The following PRDM2 variants were observed in gnomAD, a reference collection of about 807,000 sequenced individuals.
PRDM2 encodes PR/SET domain 2, also known as PR domain zinc finger protein 2.
In PRDM2, 30 loss-of-function variants were observed where a neutral mutation model predicts 130.0. The ratio of observed to expected loss-of-function variants is 0.23; its 90% CI spans 0.17 to 0.31. The LOEUF (loss-of-function observed/expected upper bound fraction) is 0.31. Among genes scored for constraint, PRDM2 ranks in the 10% least tolerant of loss-of-function variants. The pLI is 1.00. For synonymous variants in PRDM2, 871 were observed against 782.4 expected, an observed-to-expected ratio of 1.11 and a Z score of -1.89; for missense variants, 2,011 against 2,108.4, an observed-to-expected ratio of 0.95 and a Z score of 0.90.
chr1:13,782,913 CTTTT>C (rs35153743), intron 8 of PRDM2, 82 bp downstream of exon 8: 245 of 1,446,780 alleles, frequency 1.7e-4, no homozygotes, highest in Admixed American at 4.8e-4. Flanking sequence ...TTTCTTGTTG[CTTTT>C]TTTTTTTTTT....
chr1:13,746,798 TC>T (rs1247360575), intron 5 of PRDM2, among the ~76,000 whole-genome samples: 1 of 152,184 alleles, frequency 6.6e-6, no homozygotes, highest in Non-Finnish European at 1.5e-5. Flanking sequence ...CTCAAGCGAT[TC>T]GCCTGCCTTG....
At position 13,780,254 on chromosome 1, in the gene PRDM2, A is replaced by G. The variant is rs1444706217; in HGVS notation, c.2459A>G (p.Asn820Ser). The G allele has an allele frequency of 3.1e-6, 5 of 1,613,728 alleles. No homozygotes were observed. The Admixed American group carries it at 5.0e-5, about 16-fold the overall frequency. Residue 820 changes from asparagine (N) to serine (S), a missense_variant, in exon 8 of 10, where the codon AAC becomes AGC. Coordinates refer to ENST00000311066, the MANE Select transcript of PRDM2 (RefSeq NM_001393986.1). ...AGTTCTGCTTTTAGCAGTGTGTGCA[A>G]CCAGCAGCCACTGGATTTATCCAGC... ...TASSAFSSVC[N>S]QQPLDLSSGV...
At chr1:13,738,184 C>T (rs1643328205) in intron 4 of PRDM2, among the ~76,000 whole-genome samples, 1 of 152,056 alleles carries the variant, frequency 6.6e-6, no homozygotes. Context: ...GGCCAGGAGC[C>T]CATTTCTTGG....
At chr1:13,767,606 G>A (rs1644258127) in intron 6 of PRDM2, among the ~76,000 whole-genome samples, 2 of 151,730 alleles carry the variant, frequency 1.3e-5, no homozygotes, top group South Asian at 2.1e-4. Context: ...GTGCCTGGCC[G>A]ATGCAAGTCT....
intron 6 of PRDM2, among the ~76,000 whole-genome samples, chr1:13,757,269 C>G (rs1044510675): frequency 3.9e-5 from 6 of 152,132 alleles, no homozygotes; most frequent in Non-Finnish European, 7.4e-5. Flanking sequence ...TGCTTTCTAG[C>G]TATTGTCTTT....
chr1:13,712,746 C>T lies in PRDM2; in HGVS notation c.-65-2795C>T, dbSNP rs553492896. On this transcript the variant is annotated intron_variant, in intron 1 of 9. Transcript: ENST00000311066. ...ACTGCACTCTAGCCTGGCGACAGAG[C>T]GAGACTCCGTCTCAAAAAACAAACA... Among the ~76,000 whole-genome samples, 20 of 152,266 alleles carry T rather than the reference C, an allele frequency of 1.3e-4. No homozygotes were observed. The South Asian group carries it at 1.9e-3, about 14-fold the overall frequency.
At chr1:13,816,182 C>G (rs1570128339) in intron 8 of PRDM2, among the ~76,000 whole-genome samples, 1 of 152,256 alleles carries the variant, frequency 6.6e-6, no homozygotes, top group East Asian at 1.9e-4. Flanking sequence ...CTCCTCTTGC[C>G]CGTGCTTCTG....
chr1:13,741,999 T>C lies in PRDM2; in HGVS notation c.232-6T>C. 4.6e-6 allele frequency: 7 copies of C among 1,530,554 alleles called. No individual in the cohort carries two copies. Among genetic ancestry groups the C allele is most frequent in the Non-Finnish European group, 6.3e-6 (7 of 1,112,176 alleles). The allele number at this position is 1,530,554 out of a possible 1,614,324, so 94.8% of individuals were successfully genotyped here. A position where few individuals can be genotyped will look rare whatever the true frequency, so the allele number is the denominator to read the frequency against. On this transcript the variant is annotated splice_polypyrimidine_tract_variant and splice_region_variant and intron_variant, in intron 4 of 9. Transcript: ENST00000311066. ...CAAAAGTTTTTTACTTTTCTCCATT[T>C]TCAAGGTGTATTACCCAAATTTGGG...
chr1:13,728,314 C>G (rs1339434002), intron 2 of PRDM2, among the ~76,000 whole-genome samples: 1 of 152,160 alleles, frequency 6.6e-6, no homozygotes, highest in East Asian at 1.9e-4. Flanking sequence ...AAACACACAG[C>G]TATACAAATA....
intron 8 of PRDM2, among the ~76,000 whole-genome samples, chr1:13,793,821 A>C (rs536657664): frequency 1.3e-5 from 2 of 151,972 alleles, no homozygotes; most frequent in Non-Finnish European, 2.9e-5. Context: ...GAGCTAAAAC[A>C]AAAGAAAGAT....
At chr1:13,717,267 G>A (rs1321621642) in intron 2 of PRDM2, among the ~76,000 whole-genome samples, 2 of 152,254 alleles carry the variant, frequency 1.3e-5, no homozygotes, top group South Asian at 2.1e-4. Flanking sequence ...CACAGTCATC[G>A]TCCATCAAAG....
chr1:13,775,091 C>T (rs1239721037), intron 7 of PRDM2, among the ~76,000 whole-genome samples: 1 of 152,224 alleles, frequency 6.6e-6, no homozygotes, highest in Admixed American at 6.5e-5. Context: ...ATGGTCTATA[C>T]CATGAGCAAA....
intron 1 of PRDM2, among the ~76,000 whole-genome samples, chr1:13,713,699 G>C (rs1390659680): frequency 2.0e-5 from 3 of 152,120 alleles, no homozygotes; most frequent in Admixed American, 6.5e-5. Context: ...ACCTATAAAA[G>C]CTTTGTCAGA....
intron 6 of PRDM2, among the ~76,000 whole-genome samples, chr1:13,751,846 G>C (rs975687896): frequency 6.6e-6 from 1 of 152,160 alleles, no homozygotes; most frequent in Non-Finnish European, 1.5e-5. Context: ...GTGCCTTTCA[G>C]AATTCATCAG....
chr1:13,812,310 A>G (rs1203989151), intron 8 of PRDM2, among the ~76,000 whole-genome samples: 1 of 122,126 alleles, frequency 8.2e-6, no homozygotes, highest in African/African-American at 3.3e-5. Context: ...CCGGAGATGG[A>G]TCAGCTTTAG....
intron 8 of PRDM2, among the ~76,000 whole-genome samples, chr1:13,814,657 A>T (rs1292149917): frequency 6.6e-6 from 1 of 152,176 alleles, no homozygotes; most frequent in Non-Finnish European, 1.5e-5. Context: ...TCAGGTATGA[A>T]AGCCAACGAT....
Position 13,778,645 on chromosome 1 carries a change from G to A in PRDM2, c.850G>A (p.Asp284Asn), listed in dbSNP as rs148625644. Residue 284 changes from aspartate to asparagine, a missense_variant, in exon 8 of 10, where the codon GAT becomes AAT. Physicochemically the swap from Asp to Asn is conservative, Grantham distance 23. Transcript: ENST00000311066. ...EEEDEEEEED[D>N]DDDELEDEGE... is the part of the protein sequence containing the mutation. Reference sequence around the variant, plus strand: ...GGAGGATGAAGAAGAAGAAGAAGATGATGATGATGATGAGTTGGAAGACGA... The same window carrying A: ...GGAGGATGAAGAAGAAGAAGAAGATAATGATGATGATGAGTTGGAAGACGA... 1.7e-5 allele frequency: 27 copies of A among 1,595,116 alleles called. No homozygotes were observed. Among genetic ancestry groups the A allele is most frequent in the Non-Finnish European group, 2.3e-5 (27 of 1,165,792 alleles).
At chr1:13,821,521 G>A (rs553943619) in intron 9 of PRDM2, among the ~76,000 whole-genome samples, 19 of 151,728 alleles carry the variant, frequency 1.3e-4, no homozygotes, top group African/African-American at 3.6e-4. Flanking sequence ...GGAGTGCAGT[G>A]GCGCAATCTC....
At chr1:13,822,881 C>T (rs1037102139) in intron 9 of PRDM2, among the ~76,000 whole-genome samples, 6 of 152,094 alleles carry the variant, frequency 3.9e-5, no homozygotes, top group African/African-American at 9.7e-5. Context: ...GAGGTGAGGA[C>T]AGTGGTTCTT....
Sources: gnomAD v4.1 joint callset for allele counts (sites outside exome capture counted in the v4.1 genomes callset) on GRCh38, gnomAD v4.1.1 for gene constraint, MANE v1.5 for transcripts, NCBI Gene and HGNC (gene_info 2026-07-23, HGNC 2026-07-21) for gene names.